DDX10: variants seen among roughly 807,000 people sequenced by gnomAD.
The protein encoded by DDX10 is DEAD-box helicase 10.
A neutral mutation model predicts 104.3 loss-of-function variants in DDX10; 74 were observed. The ratio of observed to expected loss-of-function variants is 0.71; its 90% CI spans 0.59 to 0.86. The LOEUF is 0.86. DDX10 is among the 40% of genes least tolerant of loss of function. The pLI, the probability that DDX10 is intolerant of heterozygous loss-of-function variation, is 0.00. For synonymous variants in DDX10, 351 were observed against 353.4 expected (o/e 0.99, Z 0.08); for missense variants, 952 against 1,040.0 (o/e 0.92, Z 1.16).
At chr11:108,888,337 T>C (rs533115984) in intron 16 of DDX10, among the ~76,000 whole-genome samples, 3 of 152,318 alleles carry the variant, frequency 2.0e-5, no homozygotes, top group African/African-American at 7.2e-5. Context: ...TTAATACTTA[T>C]ACTTGTTCAA....
At position 108,688,148 on chromosome 11, in the gene DDX10, C is replaced by T. The variant is rs542072094; in HGVS notation, c.849-788C>T. 7.2e-5 allele frequency among the ~76,000 whole-genome samples: 11 copies of T among 152,194 alleles called. No homozygotes were observed. In the South Asian group the frequency reaches 2.3e-3, roughly 32 times the overall value. ...GATGGACATTTGGGTTGATTTTCATCATTTTTTGCTTCATAAATAATGCCA... is the reference window on the plus strand; with the variant it reads ...GATGGACATTTGGGTTGATTTTCATTATTTTTTGCTTCATAAATAATGCCA... On this transcript the variant is annotated intron_variant, in intron 6 of 17. Transcript: ENST00000322536.
intron 13 of DDX10, among the ~76,000 whole-genome samples, chr11:108,770,892 C>G (rs2094362292): frequency 6.6e-6 from 1 of 151,986 alleles, no homozygotes; most frequent in African/African-American, 2.4e-5. Context: ...CATATGGTAG[C>G]TCTGTTTTTA....
In DDX10 at chr11:108,706,706, G is replaced by T. The variant is rs757945896; in HGVS notation, c.1224-33G>T. 6.0e-6 allele frequency: 9 copies of T among 1,498,118 alleles called. No homozygotes were observed. In the African/African-American group the frequency reaches 1.1e-4, roughly 18 times the overall value. 92.8% of individuals were successfully genotyped at this position (1,498,118 alleles called of 1,614,324 possible). A position where few individuals can be genotyped will look rare whatever the true frequency, so the allele number is the denominator to read the frequency against. On this transcript the variant is annotated intron_variant, in intron 9 of 17. Transcript: ENST00000322536. ...TAAAATGTAAAATGCAGATTGCATT[G>T]ATGTGTTAAAGATTTTGTTTCTTTT... is the stretch of plus-strand genomic sequence containing the variant.
intron 13 of DDX10, among the ~76,000 whole-genome samples, chr11:108,779,550 G>A (rs936825656): frequency 6.6e-6 from 1 of 151,654 alleles, no homozygotes; most frequent in African/African-American, 2.4e-5. Context: ...TGGTGGGAGG[G>A]GGAAGGATAG....
rs146203908 is a variant in DDX10 at position 108,872,474 on chromosome 11, G to A, written c.2304+20265G>A. 2.2e-3 allele frequency among the ~76,000 whole-genome samples: 341 copies of A among 152,212 alleles called. 2 individuals are homozygous for A. The highest frequency in any genetic ancestry group is 7.6e-3 in the African/African-American group (316 of 41,528). On this transcript the variant is annotated intron_variant, in intron 16 of 17. Coordinates refer to ENST00000322536, the MANE Select transcript of DDX10 (RefSeq NM_004398.4). ...TTTGTGTAGGGGGGTGGAAGGATGC[G>A]GGTGTAGTTTATAAAAAGTATTTTA...
chr11:108,695,524 C>T (rs998402614), intron 9 of DDX10, among the ~76,000 whole-genome samples: 3 of 152,186 alleles, frequency 2.0e-5, no homozygotes, highest in Non-Finnish European at 4.4e-5. Flanking sequence ...TGAAAGTGTA[C>T]GCTATCCCTT....
Position 108,763,601 on chromosome 11 carries a change from C to T in DDX10, c.1965+40139C>T, listed in dbSNP as rs185137534. 1.2e-4 allele frequency among the ~76,000 whole-genome samples: 18 copies of T among 152,100 alleles called. No homozygotes were observed. In the East Asian group the frequency reaches 3.3e-3, roughly 28 times the overall value. ...CTTCCTTTTAAAATGGGCTAAAAAGCTTTTTATTTTAGGAGTGTTTTATAG... is the reference window on the plus strand; with the variant it reads ...CTTCCTTTTAAAATGGGCTAAAAAGTTTTTTATTTTAGGAGTGTTTTATAG... On this transcript the variant is annotated intron_variant, in intron 13 of 17. Transcript: ENST00000322536.
intron 5 of DDX10, among the ~76,000 whole-genome samples, chr11:108,678,785 A>G (rs1359942987): frequency 1.4e-5 from 2 of 145,840 alleles, no homozygotes. Flanking sequence ...TGTATTTTTA[A>G]ATCAACTTTA....
At chr11:108,918,120 T>C in intron 17 of DDX10, 102 bp downstream of exon 17, 1 of 1,231,742 alleles carries the variant, frequency 8.1e-7, no homozygotes, top group South Asian at 1.4e-5. Context: ...CAAGAGATGT[T>C]TGTTGCTTTT....
chr11:108,873,047 C>A (rs564516901), intron 16 of DDX10, among the ~76,000 whole-genome samples: 32 of 152,270 alleles, frequency 2.1e-4, no homozygotes, highest in Non-Finnish European at 3.7e-4. Context: ...ACATCATGGG[C>A]ATAATTCATA....
intron 13 of DDX10, among the ~76,000 whole-genome samples, chr11:108,766,614 G>A (rs147743586): frequency 0.01 from 1,558 of 152,212 alleles, 25 homozygotes; most frequent in African/African-American, 0.036. Context: ...TTTTATTTGT[G>A]GTTCATAAAA....
intron 13 of DDX10, among the ~76,000 whole-genome samples, chr11:108,802,252 T>G (rs1402278877): frequency 6.6e-6 from 1 of 152,222 alleles, no homozygotes; most frequent in African/African-American, 2.4e-5. Context: ...TCCAAAAATC[T>G]GAAATCTGAA....
intron 13 of DDX10, among the ~76,000 whole-genome samples, chr11:108,796,189 A>G (rs1443041269): frequency 6.6e-6 from 1 of 152,066 alleles, no homozygotes; most frequent in East Asian, 1.9e-4. Context: ...CACTTGTGAT[A>G]TTGCTAATTG....
intron 13 of DDX10, among the ~76,000 whole-genome samples, chr11:108,752,105 T>C (rs2094339450): frequency 6.6e-6 from 1 of 152,096 alleles, no homozygotes; most frequent in Non-Finnish European, 1.5e-5. Context: ...CAGAATTATA[T>C]GGGTTGTGAA....
intron 6 of DDX10, among the ~76,000 whole-genome samples, chr11:108,687,116 A>G (rs1370393551): frequency 6.6e-6 from 1 of 152,148 alleles, no homozygotes; most frequent in Non-Finnish European, 1.5e-5. Context: ...AGACTGCTAT[A>G]CTGTCTTCCA....
At chr11:108,666,587 C>T (rs553552517) in intron 1 of DDX10, among the ~76,000 whole-genome samples, 1 of 152,304 alleles carries the variant, frequency 6.6e-6, no homozygotes, top group East Asian at 1.9e-4. Context: ...AAGGTGTCAG[C>T]AGGGACTTGC....
intron 13 of DDX10, among the ~76,000 whole-genome samples, chr11:108,769,714 C>G (rs1184376628): frequency 6.6e-6 from 1 of 152,104 alleles, no homozygotes; most frequent in African/African-American, 2.4e-5. Context: ...ACATGTCCCT[C>G]CAGGTCCTAT....
intron 16 of DDX10, among the ~76,000 whole-genome samples, chr11:108,876,406 T>TC (rs1001967270): frequency 2.0e-4 from 31 of 152,300 alleles, no homozygotes; most frequent in African/African-American, 6.7e-4. Context: ...AAACCTTTTT[T>TC]CCCTCTATGC....
At chr11:108,833,612 A>G (rs1862504498) in intron 13 of DDX10, among the ~76,000 whole-genome samples, 1 of 152,242 alleles carries the variant, frequency 6.6e-6, no homozygotes, top group Admixed American at 6.5e-5. Flanking sequence ...CAGGACACAG[A>G]ACTCTTTCAG....
Sources: gnomAD v4.1 joint callset for allele counts (sites outside exome capture counted in the v4.1 genomes callset) on GRCh38, gnomAD v4.1.1 for gene constraint, MANE v1.5 for transcripts, NCBI Gene and HGNC (gene_info 2026-07-23, HGNC 2026-07-21) for gene names.